The following INSR variants were observed in gnomAD, a reference collection of about 807,000 sequenced individuals.
The protein encoded by INSR is IR.
INSR carries 67 observed loss-of-function variants against 142.6 expected under a neutral mutation model. The ratio of observed to expected loss-of-function variants is 0.47; its 90% CI spans 0.39 to 0.58. INSR has a LOEUF of 0.58. INSR is among the 20% of genes least tolerant of loss of function. The pLI is 0.00. For missense variants in INSR, 1,248 were observed against 1,833.2 expected, an observed-to-expected ratio of 0.68 and a Z score of 5.83; for synonymous variants, 756 against 743.1, an observed-to-expected ratio of 1.02 and a Z score of -0.28.
At position 7,293,549 on chromosome 19, in the gene INSR, C is replaced by T. The variant is rs10427109; in HGVS notation, c.100+243G>A. Among the ~76,000 whole-genome samples, 145,994 of 152,248 alleles carry T rather than the reference C, an allele frequency of 0.96. 70,079 individuals are homozygous for T. The highest frequency in any genetic ancestry group is 0.98 in the African/African-American group (40,580 of 41,572). On this transcript the variant is annotated intron_variant, in intron 1 of 21. Coordinates refer to ENST00000302850, the MANE Select transcript of INSR (RefSeq NM_000208.4). ...GAGGAGCCCGCGGCGGGGCGGGCAC[C>T]GGGGCAAGGTTCCTCGGGCTCAGGT...
chr19:7,256,951 T>C (rs960325510), intron 2 of INSR, among the ~76,000 whole-genome samples: 2 of 129,574 alleles, frequency 1.5e-5, no homozygotes, highest in African/African-American at 6.2e-5. Context: ...TTTTTTTTTT[T>C]TCTTTTTTTG....
At chr19:7,155,856 G>A (rs936571944) in intron 9 of INSR, among the ~76,000 whole-genome samples, 40 of 149,262 alleles carry the variant, frequency 2.7e-4, no homozygotes, top group African/African-American at 9.8e-4. Flanking sequence ...CGAGGCTGCA[G>A]TGAGCTGAGA....
At position 7,168,899 on chromosome 19, in the gene INSR, C is replaced by T. The variant is rs1973948443; in HGVS notation, c.1484-805G>A. Among the ~76,000 whole-genome samples, 1 of 152,164 alleles carries T rather than the reference C, an allele frequency of 6.6e-6. No individual in the cohort carries two copies. The highest frequency in any genetic ancestry group is 2.1e-4 in the South Asian group (1 of 4,828). On this transcript the variant is annotated intron_variant, in intron 6 of 21. Coordinates refer to ENST00000302850, the MANE Select transcript of INSR (RefSeq NM_000208.4). The surrounding 1 kb of genome is among the most constrained non-coding windows in gnomAD (Gnocchi z 4.3). Reference sequence around the variant, plus strand: ...GATTCCAGGCGTGAGCCACCATGCCCAGCCCTTGCACTACATTTTGACATA... The same window carrying T: ...GATTCCAGGCGTGAGCCACCATGCCTAGCCCTTGCACTACATTTTGACATA...
At chr19:7,275,849 T>TGGATGGA (rs1968049899) in intron 1 of INSR, among the ~76,000 whole-genome samples, 1 of 151,812 alleles carries the variant, frequency 6.6e-6, no homozygotes, top group Admixed American at 6.6e-5. Flanking sequence ...GAGCCACCCG[T>TGGATGGA]GGATGGTGGC....
chr19:7,252,175 C>T (rs1428991093), intron 2 of INSR, among the ~76,000 whole-genome samples: 2 of 151,886 alleles, frequency 1.3e-5, no homozygotes, highest in East Asian at 1.9e-4. Context: ...TTTGGGAGGT[C>T]GAGGTGGGTG....
chr19:7,128,245 C>T (rs1972692021), intron 15 of INSR, among the ~76,000 whole-genome samples: 1 of 151,512 alleles, frequency 6.6e-6, no homozygotes, highest in Non-Finnish European at 1.5e-5. Context: ...CGGAGTCTCC[C>T]TCTGTCGCCC....
chr19:7,136,478 T>C (rs6510950), intron 13 of INSR, among the ~76,000 whole-genome samples: 29,220 of 151,896 alleles, frequency 0.19, 4,681 homozygotes, highest in East Asian at 0.65. Context: ...GTCACCCTGT[T>C]GGCACTGGAT....
intron 2 of INSR, among the ~76,000 whole-genome samples, chr19:7,222,127 TAAAAAA>T (rs57114939): frequency 7.9e-6 from 1 of 126,318 alleles, no homozygotes; most frequent in Non-Finnish European, 1.6e-5. Flanking sequence ...ATGTCCTCGG[TAAAAAA>T]AAAAAAAAAA....
chr19:7,164,620 C>T (rs141307458), intron 8 of INSR, among the ~76,000 whole-genome samples: 7,339 of 141,034 alleles, frequency 0.052, 271 homozygotes, highest in Non-Finnish European at 0.078. Context: ...GAGTTCGAGA[C>T]CAGCCTGACC....
intron 8 of INSR, 70 bp from the exon 9 acceptor site, chr19:7,163,269 G>A (rs775323179): frequency 4.1e-5 from 60 of 1,453,924 alleles, no homozygotes; most frequent in East Asian, 4.5e-5. Context: ...GGAGGATGGC[G>A]GGGGACACAC....
intron 11 of INSR, among the ~76,000 whole-genome samples, chr19:7,143,865 G>T (rs953158584): frequency 2.0e-5 from 3 of 152,122 alleles, no homozygotes; most frequent in Non-Finnish European, 4.4e-5. Flanking sequence ...GACCAGTCTG[G>T]CCAACATGGG....
intron 1 of INSR, chr19:7,268,402 T>C (rs1373306705): frequency 1.0e-6 from 1 of 983,816 alleles, no homozygotes. Context: ...CAAGACCTAA[T>C]TACCTTTTAC....
chr19:7,236,769 G>A (rs781001110), intron 2 of INSR, among the ~76,000 whole-genome samples: 18 of 152,162 alleles, frequency 1.2e-4, no homozygotes, highest in Non-Finnish European at 2.4e-4. Flanking sequence ...GCTCATGCCT[G>A]TAATCTCAAC....
At chr19:7,231,870 C>T (rs963713079) in intron 2 of INSR, among the ~76,000 whole-genome samples, 16 of 151,958 alleles carry the variant, frequency 1.1e-4, no homozygotes, top group African/African-American at 3.9e-4. Context: ...CCTCAGCCTC[C>T]CGAAGTGCTG....
chr19:7,284,888 A>T (rs1005024953), intron 1 of INSR, among the ~76,000 whole-genome samples: 1 of 152,194 alleles, frequency 6.6e-6, no homozygotes, highest in Non-Finnish European at 1.5e-5. Flanking sequence ...TGAAGCAAGA[A>T]GGTGGAATGC....
chr19:7,175,278 C>T (rs1974111472), intron 3 of INSR, among the ~76,000 whole-genome samples: 1 of 152,008 alleles, frequency 6.6e-6, no homozygotes, highest in Admixed American at 6.6e-5. Flanking sequence ...CTTTGAGAGG[C>T]CAAGGAGGGA....
intron 14 of INSR, 121 bp downstream of exon 14, chr19:7,132,037 A>G: frequency 8.3e-7 from 1 of 1,200,076 alleles, no homozygotes. Flanking sequence ...AGCAGCTGAT[A>G]GGCCTGAGAG....
rs3837940 is a variant in INSR, at chr19:7,267,266, AT to A, written c.652+78del. ...GGCCCCTACCTAATGACCATTTAAC[AT>A]TTTTAAGCCATAAAACATTTTAAGC... On this transcript the variant is annotated intron_variant, in intron 2 of 21. Coordinates refer to ENST00000302850, the MANE Select transcript of INSR (RefSeq NM_000208.4). The surrounding 1 kb of genome is among the most constrained non-coding windows in gnomAD (Gnocchi z 6.3). 0.15 allele frequency: 222,964 copies of A among 1,501,950 alleles called. 20,155 individuals carry two copies. Among genetic ancestry groups the A allele is most frequent in the African/African-American group, 0.34 (24,310 of 72,560 alleles). 93.0% of individuals were successfully genotyped at this position (1,501,950 alleles called of 1,614,324 possible). A position where few individuals can be genotyped will look rare whatever the true frequency, so the allele number is the denominator to read the frequency against.
rs893959487 is a variant in INSR at position 7,166,556 on chromosome 19, C to T, written c.1611-152G>A. The T allele has an allele frequency of 4.6e-6, 4 of 872,212 alleles. No individual in the cohort carries two copies. In the African/African-American group the frequency reaches 6.7e-5, roughly 15 times the overall value. 54.0% of individuals were successfully genotyped at this position (872,212 alleles called of 1,614,324 possible). ...CAAGAAAAAATAACTCGGGAACAGC[C>T]AAAGAGAAAGGAACTGTCAACCCTG... On this transcript the variant is annotated intron_variant, in intron 7 of 21. Coordinates refer to ENST00000302850, the MANE Select transcript of INSR (RefSeq NM_000208.4). This position sits in a 1 kb window ranked among gnomAD's most constrained non-coding sequence, Gnocchi z 4.1.
Sources: allele counts gnomAD v4.1 joint callset (sites outside exome capture counted in the v4.1 genomes callset), GRCh38; gene constraint gnomAD v4.1.1; non-coding constraint Gnocchi (gnomAD v3.1); transcripts MANE v1.5; gene names NCBI Gene and HGNC (gene_info 2026-07-23, HGNC 2026-07-21).